ZNF200: variants seen among roughly 807,000 people sequenced by gnomAD.
The protein encoded by ZNF200 is zinc finger protein 200.
In ZNF200, 35 loss-of-function variants were observed where a neutral mutation model predicts 33.6. The ratio of observed to expected loss-of-function variants is 1.04; its 90% confidence interval spans 0.80 to 1.38. ZNF200 has a LOEUF of 1.38. Ranked by LOEUF, ZNF200 falls within the 40% of genes most tolerant of loss-of-function variation. ZNF200 has a pLI of 0.00. For synonymous variants in ZNF200, 209 were observed against 167.7 expected (o/e 1.25, Z -1.90); for missense variants, 592 against 470.6 (o/e 1.26, Z -2.39).
chr16:3,224,185 C>A lies in ZNF200; in HGVS notation c.895G>T (p.Glu299Ter), dbSNP rs943889826. 2.5e-6 allele frequency: 4 copies of A among 1,614,108 alleles called. No homozygotes were observed. The highest frequency in any genetic ancestry group is 3.3e-5 in the Admixed American group (2 of 60,006). Residue 299 changes from glutamate to a stop codon, truncating the protein, a stop_gained, in exon 5 of 5, where the codon GAG (glutamate) becomes TAG (stop). Coordinates refer to ENST00000414144, the MANE Select transcript of ZNF200 (RefSeq NM_198088.3). LOFTEE classifies it high-confidence loss of function. ...GGTTTCTCTCCTGTATGAATTCGCT[C>A]ATGTTTATTGAGGTTTGTTTTATGA... The part of the protein sequence containing the change: ...FNHKTNLNKH[E>*]RIHTGEKPYS...
At chr16:3,233,030 G>C in intron 2 of ZNF200, 109 bp from the exon 3 acceptor site, 1 of 916,174 alleles carries the variant, frequency 1.1e-6, no homozygotes, top group Non-Finnish European at 1.7e-6. Context: ...GTAACTCATG[G>C]CCTTTTCTGC....
intron 4 of ZNF200, 31 bp from the exon 5 acceptor site, chr16:3,224,644 G>C (rs1315145152): frequency 3.9e-6 from 6 of 1,550,076 alleles, no homozygotes; most frequent in South Asian, 1.2e-5. Flanking sequence ...AACAACTTCT[G>C]AGAGATATCA....
chr16:3,231,501 C>T (rs1958634358), intron 4 of ZNF200, among the ~76,000 whole-genome samples: 2 of 152,198 alleles, frequency 1.3e-5, no homozygotes, highest in Admixed American at 1.3e-4. Flanking sequence ...AAGTGTCCGG[C>T]ACTCAGTAAA....
At chr16:3,228,418 C>T (rs1958533594) in intron 4 of ZNF200, among the ~76,000 whole-genome samples, 1 of 151,598 alleles carries the variant, frequency 6.6e-6, no homozygotes, top group Non-Finnish European at 1.5e-5. Context: ...AGTATCTTTT[C>T]AGTAACTATA....
intron 3 of ZNF200, 77 bp downstream of exon 3, chr16:3,232,756 G>GA: frequency 6.6e-7 from 1 of 1,515,702 alleles, no homozygotes; most frequent in Non-Finnish European, 9.1e-7. Flanking sequence ...CAACTCCTAA[G>GA]AATGTGTTTT....
chr16:3,233,081 G>A (rs112765660), intron 2 of ZNF200, among the ~76,000 whole-genome samples, 160 bp from the exon 3 acceptor site: 4 of 152,278 alleles, frequency 2.6e-5, no homozygotes, highest in African/African-American at 7.2e-5. Context: ...AAACTCTAGG[G>A]TCTTGAACCT....
chr16:3,231,093 C>G (rs755180872), intron 4 of ZNF200, among the ~76,000 whole-genome samples: 1 of 152,108 alleles, frequency 6.6e-6, no homozygotes, highest in Admixed American at 6.6e-5. Flanking sequence ...TAAGCTTAAG[C>G]CACCAGCTTC....
intron 4 of ZNF200, among the ~76,000 whole-genome samples, chr16:3,231,422 G>A (rs539698302): frequency 2.0e-5 from 3 of 152,206 alleles, no homozygotes; most frequent in East Asian, 1.9e-4. Flanking sequence ...GTCACCCCAG[G>A]CAACTTCTAA....
At chr16:3,233,414 T>C (rs1026805178) in intron 2 of ZNF200, 92 bp downstream of exon 2, 1 of 1,461,510 alleles carries the variant, frequency 6.8e-7, no homozygotes, top group Non-Finnish European at 9.0e-7. Context: ...ATATACACCA[T>C]CCTAACTTGA....
At chr16:3,229,155 A>G (rs995704603) in intron 4 of ZNF200, among the ~76,000 whole-genome samples, 1 of 152,034 alleles carries the variant, frequency 6.6e-6, no homozygotes, top group Non-Finnish European at 1.5e-5. Flanking sequence ...ATGCTACACC[A>G]TTTTATATAA....
rs543778818 is a variant in ZNF200, at chr16:3,224,892, G to A, written c.467-279C>T. On this transcript the variant is annotated intron_variant, in intron 4 of 4. Transcript: ENST00000414144. ...TTCTCTTCATAGGTGTTAATTACTC[G>A]ACAAGTTCATATTCACCTTATACTC... 2.6e-4 allele frequency: 102 copies of A among 393,984 alleles called. 1 individual carries two copies. Among genetic ancestry groups the A allele is most frequent in the Non-Finnish European group, 3.4e-4 (73 of 217,226 alleles). The allele number at this position is 393,984 out of a possible 1,614,324, so 24.4% of individuals were successfully genotyped here.
In ZNF200 at chr16:3,223,839, T is replaced by C; in HGVS notation, c.*53A>G. On this transcript the variant is annotated 3_prime_UTR_variant, in exon 5 of 5. Transcript: ENST00000414144. ...CAGCTTGGGAATTCAGAACTACTTA[T>C]GAAAGCTCTCAGGTTGAGGCAGCAC... is the stretch of plus-strand genomic sequence containing the variant. The C allele has an allele frequency of 1.3e-6, 2 of 1,531,352 alleles. No individual in the cohort carries two copies. The highest frequency in any genetic ancestry group is 1.3e-5 in the South Asian group (1 of 77,124). The allele number at this position is 1,531,352 out of a possible 1,614,324, so 94.9% of individuals were successfully genotyped here.
intron 4 of ZNF200, among the ~76,000 whole-genome samples, chr16:3,229,091 T>C (rs1014961041): frequency 4.3e-5 from 6 of 138,186 alleles, no homozygotes; most frequent in South Asian, 2.1e-4. Context: ...TATTAGGTAT[T>C]ATAATTGATC....
intron 4 of ZNF200, among the ~76,000 whole-genome samples, chr16:3,231,372 A>AT (rs1313157629): frequency 2.0e-5 from 3 of 152,228 alleles, no homozygotes; most frequent in African/African-American, 7.2e-5. Context: ...ACCATACGGT[A>AT]TAATTACAGC....
At position 3,223,972 on chromosome 16, in the gene ZNF200, C is replaced by T. The variant is rs1958397426; in HGVS notation, c.1108G>A (p.Gly370Arg). The T allele has an allele frequency of 6.2e-7, 1 of 1,614,026 alleles. No individual in the cohort carries two copies. The highest frequency in any genetic ancestry group is 1.3e-5 in the African/African-American group (1 of 74,904). ...AERPYGCKKC[G>R]RRFGRLSNCT... ...TTTGACAGCCGACCAAATCTTCTCC[C>T]ACATTTTTTGCAACCATATGGTCTC... is the stretch of plus-strand genomic sequence containing the variant. The change falls in exon 5 of 5, where the codon GGG becomes AGG. Residue 370 changes from glycine (G) to arginine (R), a missense_variant. By Grantham distance (125) the Gly-to-Arg change is moderately radical. Coordinates refer to ENST00000414144, the MANE Select transcript of ZNF200 (RefSeq NM_198088.3).
At position 3,224,272 on chromosome 16, in the gene ZNF200, G is replaced by A; in HGVS notation, c.808C>T (p.His270Tyr). The part of the protein sequence containing the change: ...QFNESSYLIS[H>Y]QRTHTGEKPY... ...TTTTCTCCAGTGTGGGTCCTCTGGT[G>A]GGAAATGAGGTAAGAACTTTCATTA... is the stretch of plus-strand genomic sequence containing the variant. Residue 270 changes from histidine to tyrosine, a missense_variant, in exon 5 of 5, where the codon CAC becomes TAC. Coordinates refer to ENST00000414144, the MANE Select transcript of ZNF200 (RefSeq NM_198088.3). 4 of 1,614,102 alleles carry A rather than the reference G, an allele frequency of 2.5e-6. No individual in the cohort carries two copies. In the East Asian group the frequency reaches 6.7e-5, roughly 27 times the overall value.
At position 3,224,179 on chromosome 16, in the gene ZNF200, T is replaced by C. The variant is rs1481859006; in HGVS notation, c.901A>G (p.Ile301Val). The C allele has an allele frequency of 6.2e-7, 1 of 1,614,086 alleles. No homozygotes were observed. The highest frequency in any genetic ancestry group is 8.5e-7 in the Non-Finnish European group (1 of 1,180,042). ...GAATAAGGTTTCTCTCCTGTATGAA[T>C]TCGCTCATGTTTATTGAGGTTTGTT... ...HKTNLNKHER[I>V]HTGEKPYSCS... The change falls in exon 5 of 5, where the codon ATT becomes GTT. Residue 301 changes from isoleucine to valine, a missense_variant. Ile to Val is a conservative substitution (Grantham distance 29). Coordinates refer to ENST00000414144, the MANE Select transcript of ZNF200 (RefSeq NM_198088.3).
chr16:3,230,415 C>T (rs1220997267), intron 4 of ZNF200, among the ~76,000 whole-genome samples: 1 of 152,188 alleles, frequency 6.6e-6, no homozygotes, highest in Admixed American at 6.5e-5. Context: ...TACTTTATTT[C>T]TACTCCTTGG....
At chr16:3,227,125 A>C (rs493540) in intron 4 of ZNF200, 1 of 152,190 alleles carries the variant, frequency 6.6e-6, no homozygotes, top group African/African-American at 2.4e-5. Flanking sequence ...ATTTTTAGTA[A>C]AAATGGGGTT....
Sources: allele counts gnomAD v4.1 joint callset (sites outside exome capture counted in the v4.1 genomes callset), GRCh38; gene constraint gnomAD v4.1.1; transcripts MANE v1.5; gene names NCBI Gene and HGNC (gene_info 2026-07-23, HGNC 2026-07-21).